ADGRL2: variants seen among roughly 807,000 people sequenced by gnomAD.
ADGRL2 encodes the protein calcium-independent alpha-latrotoxin receptor 2.
Under a neutral mutation model 157.4 loss-of-function variants are expected in ADGRL2, and 44 were observed. The observed-to-expected ratio is 0.28, with a 90% CI of 0.22 to 0.36. The LOEUF is 0.36. ADGRL2 is among the 10% of genes least tolerant of loss of function. The pLI is 1.00. For synonymous variants in ADGRL2, 585 were observed against 624.7 expected, an observed-to-expected ratio of 0.94 and a Z score of 0.95; for missense variants, 1,510 against 1,768.9, an observed-to-expected ratio of 0.85 and a Z score of 2.63.
At chr1:81,514,101 G>C (rs150752750) in intron 2 of ADGRL2, 1 of 105,510 alleles carries the variant, frequency 9.5e-6, no homozygotes, top group Admixed American at 9.1e-5. Context: ...AAGCAGAAAG[G>C]TCCTTTGGGG....
At position 81,990,581 on chromosome 1, in the gene ADGRL2, A is replaced by C. The variant is rs1258495502; in HGVS notation, c.3846A>C (p.Leu1282Phe). ...TTTCAGAATTAGTGCACAACAACTT[A>C]CGGGGCAGCAGCAAGACTCACAACC... Reference protein sequence around the residue: ...MIISELVHNNLRGSSKTHNLE... With the variant: ...MIISELVHNNFRGSSKTHNLE... The change falls in exon 24 of 24, where the codon TTA becomes TTC. Residue 1282 changes from leucine to phenylalanine, a missense_variant. By Grantham distance (22) the Leu-to-Phe change is conservative (BLOSUM62 0). Around this residue, in one of 4 missense-constraint regions of ADGRL2, gnomAD observed 327 missense variants for 310.1 expected, o/e 1.05. Transcript: ENST00000686636. 4 of 1,614,060 alleles carry C rather than the reference A, an allele frequency of 2.5e-6. No individual in the cohort carries two copies. The highest frequency in any genetic ancestry group is 3.4e-6 in the Non-Finnish European group (4 of 1,180,030).
chr1:81,431,795 C>A (rs1464866510), intron 1 of ADGRL2, among the ~76,000 whole-genome samples: 1 of 152,112 alleles, frequency 6.6e-6, no homozygotes, highest in African/African-American at 2.4e-5. Context: ...GGCATACTTC[C>A]CACAGAATCT....
At chr1:81,713,040 G>A (rs1341224817) in intron 1 of ADGRL2, among the ~76,000 whole-genome samples, 4 of 152,140 alleles carry the variant, frequency 2.6e-5, no homozygotes, top group African/African-American at 7.2e-5. Context: ...TTACAGGTGT[G>A]AGCCACCATG....
chr1:81,820,030 G>T (rs1263585019), intron 1 of ADGRL2, among the ~76,000 whole-genome samples: 3 of 152,048 alleles, frequency 2.0e-5, no homozygotes, highest in Non-Finnish European at 4.4e-5. Flanking sequence ...TTCTTTAAAA[G>T]AGTAACAATC....
intron 1 of ADGRL2, among the ~76,000 whole-genome samples, chr1:81,816,609 G>A (rs2090430346): frequency 6.6e-6 from 1 of 151,634 alleles, no homozygotes; most frequent in Admixed American, 6.6e-5. Flanking sequence ...ATTTAATGTG[G>A]AATTATTATA....
chr1:81,389,875 CA>C (rs879317636), intron 1 of ADGRL2, among the ~76,000 whole-genome samples: 6 of 151,600 alleles, frequency 4.0e-5, no homozygotes, highest in Admixed American at 2.6e-4. Context: ...ATTTAAAAAA[CA>C]AAAAAAGAAA....
intron 2 of ADGRL2, among the ~76,000 whole-genome samples, chr1:81,562,619 T>C (rs1282979998): frequency 1.3e-5 from 2 of 152,114 alleles, no homozygotes; most frequent in African/African-American, 2.4e-5. Context: ...TACTTCCCAG[T>C]AGATTTTTCT....
In ADGRL2 at chr1:81,979,877, T is replaced by C. The variant is rs1220631867; in HGVS notation, c.3030T>C (p.Ile1010=). 1.3e-6 allele frequency: 2 copies of C among 1,591,600 alleles called. No individual in the cohort carries two copies. The highest frequency in any genetic ancestry group is 2.7e-5 in the African/African-American group (2 of 74,356). The part of the protein sequence containing the change: ...GPVTFIILLN[I]IFLVITLCKM... ...TTTATTTGTTACAACAGCTAAATAT[T>C]ATCTTCTTGGTGATCACATTGTGCA... The change falls in exon 18 of 24, where the codon ATT becomes ATC. Residue 1010 remains isoleucine, a synonymous_variant. Coordinates refer to ENST00000686636, the MANE Select transcript of ADGRL2 (RefSeq NM_001366006.2).
intron 1 of ADGRL2, among the ~76,000 whole-genome samples, chr1:81,375,738 C>T (rs2076237717): frequency 6.6e-6 from 1 of 152,102 alleles, no homozygotes. Context: ...AAAGTATCCC[C>T]TTAGTAAATG....
intron 1 of ADGRL2, among the ~76,000 whole-genome samples, chr1:81,379,914 T>TG (rs1332252554): frequency 6.6e-6 from 1 of 152,184 alleles, no homozygotes; most frequent in African/African-American, 2.4e-5. Context: ...CCTAGGTCCG[T>TG]GGGGGTAGAG....
intron 2 of ADGRL2, among the ~76,000 whole-genome samples, chr1:81,794,332 C>T (rs939330223): frequency 1.3e-5 from 2 of 152,190 alleles, no homozygotes; most frequent in Non-Finnish European, 2.9e-5. Context: ...CACTAATAAT[C>T]CTCGTTAGTT....
chr1:81,405,631 C>CA (rs35052629), intron 1 of ADGRL2, among the ~76,000 whole-genome samples: 47,979 of 118,996 alleles, frequency 0.4, 8,711 homozygotes, highest in Non-Finnish European at 0.45. Context: ...GCCTGAATGA[C>CA]AAAAAAAAAA....
chr1:81,641,133 C>T (rs1266313631), intron 3 of ADGRL2, among the ~76,000 whole-genome samples: 1 of 152,154 alleles, frequency 6.6e-6, no homozygotes, highest in Non-Finnish European at 1.5e-5. Context: ...TCTAGAACCA[C>T]AAAGTCAATT....
chr1:81,410,545 T>C (rs2076929684), intron 1 of ADGRL2, among the ~76,000 whole-genome samples: 1 of 152,206 alleles, frequency 6.6e-6, no homozygotes, highest in African/African-American at 2.4e-5. Flanking sequence ...AAGAAAAGAA[T>C]TTTAATAACA....
Position 81,395,194 on chromosome 1 carries a change from A to T in ADGRL2, c.-301-49842A>T, listed in dbSNP as rs887559335. Among the ~76,000 whole-genome samples the T allele has an allele frequency of 3.9e-5, 6 of 152,008 alleles. No homozygotes were observed. In the East Asian group the frequency reaches 1.2e-3, roughly 29 times the overall value. On this transcript the variant is annotated intron_variant, in intron 1 of 24. Coordinates refer to the ADGRL2 transcript ENST00000370721. ...TCAAAGTGCTAGGATTACAGGTGTGATATTTTTTGTCTCTTTGATAATAGC... is the reference window on the plus strand; with the variant it reads ...TCAAAGTGCTAGGATTACAGGTGTGTTATTTTTTGTCTCTTTGATAATAGC...
intron 3 of ADGRL2, among the ~76,000 whole-genome samples, chr1:81,910,111 G>T (rs12406614): frequency 6.6e-6 from 1 of 151,410 alleles, no homozygotes; most frequent in Non-Finnish European, 1.5e-5. Context: ...GTGGTGGCAG[G>T]CACCTGTAAT....
chr1:81,356,850 G>A (rs921107532), intron 1 of ADGRL2, among the ~76,000 whole-genome samples: 3 of 151,394 alleles, frequency 2.0e-5, no homozygotes, highest in African/African-American at 7.3e-5. Context: ...CTACTCGGGA[G>A]GCTGAGGCAG....
At chr1:81,721,858 G>GAA in intron 1 of ADGRL2, 16 of 728,832 alleles carry the variant, frequency 2.2e-5, no homozygotes, top group Admixed American at 3.9e-5. Context: ...ATACCAAGGG[G>GAA]AAAAAAAAAA....
intron 1 of ADGRL2, among the ~76,000 whole-genome samples, chr1:81,410,976 T>G (rs1297972454): frequency 6.6e-6 from 1 of 152,216 alleles, no homozygotes; most frequent in Admixed American, 6.5e-5. Context: ...CATATTATCT[T>G]CCTGTATTTT....
Sources: allele counts gnomAD v4.1 joint callset (sites outside exome capture counted in the v4.1 genomes callset), GRCh38; gene constraint gnomAD v4.1.1; regional missense constraint gnomAD v4.1.1; transcripts MANE v1.5; gene names NCBI Gene and HGNC (gene_info 2026-07-23, HGNC 2026-07-21).